Variants in AACS observed in about 807,000 individuals in gnomAD.
AACS encodes the protein acetoacetate-CoA ligase.
AACS carries 69 observed loss-of-function variants against 83.1 expected under a neutral mutation model. The observed-to-expected ratio is 0.83, with a 90% CI of 0.68 to 1.01. The LOEUF is 1.01. Among genes scored for constraint, AACS ranks in the 50% least tolerant of loss-of-function variants. The pLI is 0.00. For synonymous variants in AACS, 333 were observed against 343.4 expected (o/e 0.97, Z 0.33); for missense variants, 866 against 882.2 (o/e 0.98, Z 0.23).
At chr12:125,100,029 A>G (rs1179896151) in intron 5 of AACS, among the ~76,000 whole-genome samples, 1 of 151,808 alleles carries the variant, frequency 6.6e-6, no homozygotes, top group Non-Finnish European at 1.5e-5. Flanking sequence ...CTTTTATTTT[A>G]TTTTAAGACA....
At chr12:125,131,835 G>A (rs542862070) in intron 14 of AACS, among the ~76,000 whole-genome samples, 1 of 152,306 alleles carries the variant, frequency 6.6e-6, no homozygotes, top group South Asian at 2.1e-4. Flanking sequence ...CTGATCTTGT[G>A]ATCCACCCAC....
At chr12:125,136,411 ACAT>A (rs1432785031) in intron 16 of AACS, among the ~76,000 whole-genome samples, 1 of 152,050 alleles carries the variant, frequency 6.6e-6, no homozygotes, top group African/African-American at 2.4e-5. Context: ...TCCTGGTAGA[ACAT>A]CACCCATCCT....
intron 5 of AACS, among the ~76,000 whole-genome samples, chr12:125,099,901 C>G (rs1409144120): frequency 2.0e-5 from 3 of 152,210 alleles, no homozygotes; most frequent in Non-Finnish European, 4.4e-5. Context: ...GTCTCAAACT[C>G]CTGACCTCAA....
At chr12:125,066,499 G>A (rs1955702150) in intron 1 of AACS, among the ~76,000 whole-genome samples, 1 of 147,286 alleles carries the variant, frequency 6.8e-6, no homozygotes, top group South Asian at 2.2e-4. Context: ...GCCCAGGCTG[G>A]AGTGCAATGG....
chr12:125,073,727 C>T (rs1955940658), intron 1 of AACS, 149 bp from the exon 2 acceptor site: 7 of 613,776 alleles, frequency 1.1e-5, no homozygotes, highest in South Asian at 2.1e-5. Context: ...TGCGTCAATA[C>T]AAATTAAGCT....
intron 8 of AACS, among the ~76,000 whole-genome samples, chr12:125,111,558 A>G (rs1956952457): frequency 6.6e-6 from 1 of 152,220 alleles, no homozygotes; most frequent in Non-Finnish European, 1.5e-5. Context: ...AGAAGTGACT[A>G]AGCATCTTGC....
chr12:125,072,897 G>A (rs569213149), intron 1 of AACS, among the ~76,000 whole-genome samples: 19 of 150,548 alleles, frequency 1.3e-4, no homozygotes, highest in Admixed American at 5.3e-4. Context: ...AAAGGAGGGA[G>A]ACCTTTTACC....
At chr12:125,106,990 T>G in intron 7 of AACS, 131 bp from the exon 8 acceptor site, 1 of 1,347,404 alleles carries the variant, frequency 7.4e-7, no homozygotes. Flanking sequence ...TTTCCAAATC[T>G]GGCCACCGTC....
intron 9 of AACS, among the ~76,000 whole-genome samples, chr12:125,115,329 T>C (rs1957035919): frequency 6.6e-6 from 1 of 151,750 alleles, no homozygotes; most frequent in Non-Finnish European, 1.5e-5. Context: ...GACTGGATCT[T>C]GGCTCACTGC....
At position 125,094,040 on chromosome 12, in the gene AACS, G is replaced by A. The variant is rs1039042904; in HGVS notation, c.570+2517G>A. ...TAAGGACCTGGCACAGGTCGACTGC[G>A]CGAAAGCCTCTGCTCACCCTCTATT... On this transcript the variant is annotated intron_variant, in intron 5 of 17. Transcript: ENST00000316519. The surrounding 1 kb of genome is among the most constrained non-coding windows in gnomAD (Gnocchi z 4.1). Among the ~76,000 whole-genome samples, 4 of 152,074 alleles carry A rather than the reference G, an allele frequency of 2.6e-5. No homozygotes were observed. Among genetic ancestry groups the A allele is most frequent in the Non-Finnish European group, 4.4e-5 (3 of 68,004 alleles).
chr12:125,076,470 G>C, intron 2 of AACS, 21 bp from the exon 3 acceptor site: 1 of 1,612,692 alleles, frequency 6.2e-7, no homozygotes, highest in Non-Finnish European at 8.5e-7. Flanking sequence ...GTGCGTCTTG[G>C]TTTGTTGTCA....
intron 8 of AACS, among the ~76,000 whole-genome samples, chr12:125,110,915 A>C (rs1734574801): frequency 6.6e-6 from 1 of 152,188 alleles, no homozygotes; most frequent in Admixed American, 6.5e-5. Context: ...GAAAGGAGCC[A>C]ATGTGGTTTC....
At chr12:125,102,970 C>T (rs748140212) in intron 6 of AACS, 30 bp from the exon 7 acceptor site, 12 of 1,585,950 alleles carry the variant, frequency 7.6e-6, no homozygotes, top group Non-Finnish European at 1.0e-5. Flanking sequence ...TGTCCTGTAA[C>T]CTTGTGTTTT....
intron 4 of AACS, among the ~76,000 whole-genome samples, chr12:125,089,961 A>G (rs1271700535): frequency 6.6e-6 from 1 of 151,622 alleles, no homozygotes; most frequent in African/African-American, 2.4e-5. Context: ...CCATTCATCC[A>G]TGCATCCTCC....
chr12:125,073,883 T>C lies in AACS; in HGVS notation c.141T>C (p.Tyr47=), dbSNP rs2136036999. 6.2e-7 allele frequency: 1 copy of C among 1,612,200 alleles called. No homozygotes were observed. Among genetic ancestry groups the C allele is most frequent in the South Asian group, 1.1e-5 (1 of 90,414 alleles). The change falls in exon 2 of 18, where the codon TAT becomes TAC. Residue 47 remains tyrosine (Y), a synonymous_variant. Transcript: ENST00000316519. ...GAGCTATTTCATTTTTAGAGAGTTA[T>C]GATGACTTGTACCATTGGTCCGTTG... ...GAACGLALES[Y]DDLYHWSVES... is the part of the protein sequence containing the mutation.
At chr12:125,079,623 A>G (rs754840315) in intron 3 of AACS, among the ~76,000 whole-genome samples, 5 of 152,056 alleles carry the variant, frequency 3.3e-5, no homozygotes, top group Non-Finnish European at 7.4e-5. Flanking sequence ...TCCTGGGCTC[A>G]AGCAATTCAC....
intron 3 of AACS, among the ~76,000 whole-genome samples, chr12:125,083,684 C>T (rs1956258150): frequency 6.6e-6 from 1 of 152,068 alleles, no homozygotes; most frequent in African/African-American, 2.4e-5. Context: ...GACAGAGTCT[C>T]ACTCGGTCGC....
chr12:125,088,385 A>C (rs2136069834), intron 4 of AACS, among the ~76,000 whole-genome samples: 1 of 152,134 alleles, frequency 6.6e-6, no homozygotes, highest in South Asian at 2.1e-4. Flanking sequence ...GGCACGTGCC[A>C]CCATGCCTGG....
intron 8 of AACS, 133 bp downstream of exon 8, chr12:125,107,401 C>A (rs916078902): frequency 1.6e-6 from 2 of 1,242,742 alleles, no homozygotes; most frequent in Non-Finnish European, 2.2e-6. Context: ...TGCAGCTTCT[C>A]TCCAAGTGGG....
Sources: allele counts gnomAD v4.1 joint callset (sites outside exome capture counted in the v4.1 genomes callset), GRCh38; gene constraint gnomAD v4.1.1; non-coding constraint Gnocchi (gnomAD v3.1); transcripts MANE v1.5; gene names NCBI Gene and HGNC (gene_info 2026-07-23, HGNC 2026-07-21).